UPK1A: variants seen among roughly 807,000 people sequenced by gnomAD.
The protein encoded by UPK1A is uroplakin 1A.
Under a neutral mutation model 32.3 loss-of-function variants are expected in UPK1A, and 31 were observed. That is an observed-to-expected ratio of 0.96 (90% CI 0.72 to 1.30). The LOEUF is 1.30. Among genes scored for constraint, UPK1A ranks in the 50% most tolerant of loss-of-function variants. The pLI is 0.00. For missense variants in UPK1A, 340 were observed against 357.4 expected (o/e 0.95, Z 0.39); for synonymous variants, 135 against 137.1 (o/e 0.98, Z 0.11).
intron 6 of UPK1A, among the ~76,000 whole-genome samples, chr19:35,677,279 G>T (rs1568349221): frequency 6.6e-6 from 1 of 151,320 alleles, no homozygotes; most frequent in Non-Finnish European, 1.5e-5. Flanking sequence ...TGTAATCCCA[G>T]CACTTTGGGA....
intron 2 of UPK1A, among the ~76,000 whole-genome samples, chr19:35,667,227 T>C (rs1254539764): frequency 6.6e-6 from 1 of 152,180 alleles, no homozygotes; most frequent in East Asian, 1.9e-4. Context: ...GGATATAAAG[T>C]GACAGCCTGG....
exon 2 of UPK1A, chr19:35,666,852 C>T (rs1278778369): frequency 2.5e-6 from 4 of 1,614,136 alleles, no homozygotes; most frequent in Non-Finnish European, 3.4e-6. Flanking sequence ...GAAGGGATCT[C>T]CAGTTGTGGT....
exon 2 of UPK1A, chr19:35,666,820 C>G (rs772868690): frequency 1.2e-6 from 2 of 1,614,172 alleles, no homozygotes; most frequent in Non-Finnish European, 1.7e-6. Flanking sequence ...ATGATGGCGT[C>G]TGCGGCAGCA....
chr19:35,674,868 C>G (rs1430099419), intron 5 of UPK1A, among the ~76,000 whole-genome samples: 1 of 151,848 alleles, frequency 6.6e-6, no homozygotes, highest in Admixed American at 6.6e-5. Context: ...ATGGTGAAAC[C>G]CTGTCTCTAC....
exon 7 of UPK1A, chr19:35,677,872 G>C: frequency 6.2e-7 from 1 of 1,612,178 alleles, no homozygotes; most frequent in Non-Finnish European, 8.5e-7. Context: ...CTCGTGGTTT[G>C]GGTTTGCCAT....
At chr19:35,673,122 C>A in intron 3 of UPK1A, 110 bp from the exon 4 acceptor site, 1 of 1,045,820 alleles carries the variant, frequency 9.6e-7, no homozygotes, top group South Asian at 1.4e-5. Flanking sequence ...TGCTGCTAGT[C>A]ACACTGCCCC....
chr19:35,677,934 G>T, intron 7 of UPK1A, 39 bp downstream of exon 7: 1 of 1,585,196 alleles, frequency 6.3e-7, no homozygotes, highest in Non-Finnish European at 8.6e-7. Flanking sequence ...TGGGCTGGGG[G>T]TGGGGGGCGG....
intron 2 of UPK1A, among the ~76,000 whole-genome samples, chr19:35,667,456 C>A (rs147139134): frequency 0.016 from 2,400 of 151,920 alleles, 75 homozygotes; most frequent in African/African-American, 0.054. Context: ...CCTCAGCCTC[C>A]AGAATAGCTG....
intron 6 of UPK1A, among the ~76,000 whole-genome samples, chr19:35,676,770 G>A (rs929763378): frequency 6.6e-5 from 10 of 151,692 alleles, no homozygotes; most frequent in Admixed American, 1.3e-4. Context: ...GCAGTAGCAC[G>A]TGCCTGTAAT....
In UPK1A at chr19:35,668,359, G is replaced by A. The variant is rs57670318; in HGVS notation, c.85-95G>A. On this transcript the variant is annotated intron_variant, in intron 2 of 7. Transcript: ENST00000617999. Reference sequence around the variant, plus strand: ...TGCCCACTTTACTGAGAGGGCAGTGGAGGCTCCAAATGGGGAGGGAACTTG... The same window carrying A: ...TGCCCACTTTACTGAGAGGGCAGTGAAGGCTCCAAATGGGGAGGGAACTTG... 5,827 of 1,466,826 alleles carry A rather than the reference G, an allele frequency of 4.0e-3. 182 individuals carry two copies. The African/African-American group carries it at 0.07, about 18-fold the overall frequency. 90.9% of individuals were successfully genotyped at this position (1,466,826 alleles called of 1,614,324 possible).
exon 3 of UPK1A, chr19:35,668,493 A>G: frequency 6.2e-7 from 1 of 1,614,210 alleles, no homozygotes; most frequent in Non-Finnish European, 8.5e-7. Flanking sequence ...CATATGGGTG[A>G]CAGCCGACCA....
rs748544462 is a variant in UPK1A, at chr19:35,673,562, G to A, written c.468+17G>A. On this transcript the variant is annotated intron_variant, in intron 5 of 7. Coordinates refer to ENST00000617999, the Ensembl canonical transcript of UPK1A. The stretch of plus-strand genomic sequence containing the variant: ...ATGATTGAGGTGGGCGGGGTGGACC[G>A]GGTGCTGGGAGGGCCCTGGGCTCCG... 3 of 1,611,080 alleles carry A rather than the reference G, an allele frequency of 1.9e-6. No individual in the cohort carries two copies. The highest frequency in any genetic ancestry group is 2.7e-5 in the African/African-American group (2 of 74,986).
intron 3 of UPK1A, among the ~76,000 whole-genome samples, chr19:35,671,386 C>CAA (rs370178140): frequency 0.3 from 26,177 of 88,370 alleles, 4,606 homozygotes; most frequent in African/African-American, 0.5. Context: ...GACTCTGTCT[C>CAA]AAAAAAAAAA....
chr19:35,668,188 C>A, intron 2 of UPK1A: 1 of 536,872 alleles, frequency 1.9e-6, no homozygotes, highest in East Asian at 3.4e-5. Context: ...TGTGCCAGTC[C>A]ACTGCTCCAG....
intron 2 of UPK1A, 48 bp from the exon 3 acceptor site, chr19:35,668,406 A>G: frequency 1.9e-6 from 3 of 1,610,506 alleles, no homozygotes; most frequent in Non-Finnish European, 2.5e-6. Context: ...GCCTGGTGCC[A>G]GGGCTGCTGG....
At chr19:35,671,795 C>T (rs1192657822) in intron 3 of UPK1A, among the ~76,000 whole-genome samples, 1 of 151,960 alleles carries the variant, frequency 6.6e-6, no homozygotes, top group Non-Finnish European at 1.5e-5. Context: ...CTAAAGTAGA[C>T]TAGAGTCCGC....
At chr19:35,675,988 G>A (rs577633517) in exon 6 of UPK1A, 40 of 1,613,592 alleles carry the variant, frequency 2.5e-5, no homozygotes, top group East Asian at 2.0e-4. Context: ...GAGGGCTGCC[G>A]CCTGGGGCAC....
chr19:35,673,520 G>C (rs1400205823), exon 5 of UPK1A: 1 of 1,613,352 alleles, frequency 6.2e-7, no homozygotes, highest in South Asian at 1.1e-5. Context: ...GAGCTGACCC[G>C]CCTCTGGGAC....
exon 5 of UPK1A, chr19:35,673,512 G>A: frequency 6.2e-7 from 1 of 1,611,078 alleles, no homozygotes; most frequent in East Asian, 2.2e-5. Context: ...AGGGCCAGGA[G>A]CTGACCCGCC....
Sources: gnomAD v4.1 joint callset for allele counts (sites outside exome capture counted in the v4.1 genomes callset) on GRCh38, gnomAD v4.1.1 for gene constraint, MANE v1.5 for transcripts, NCBI Gene and HGNC (gene_info 2026-07-23, HGNC 2026-07-21) for gene names.